Variants in EDA observed in about 807,000 individuals in gnomAD.
EDA encodes ectodysplasin-A.
EDA carries 2 observed loss-of-function variants against 23.6 expected under a neutral mutation model. The observed-to-expected ratio is 0.08, with a 90% CI of 0.03 to 0.27. The LOEUF is 0.27. EDA is among the 10% of genes least tolerant of loss of function. The pLI, the probability that EDA is intolerant of heterozygous loss-of-function variation, is 1.00. For missense variants in EDA, 229 were observed against 324.2 expected (o/e 0.71, Z 2.26); for synonymous variants, 131 against 132.0 (o/e 0.99, Z 0.05).
chrX:69,711,719 TGA>T (rs1352764159), intron 1 of EDA, among the ~76,000 whole-genome samples: 3 of 111,839 alleles, frequency 2.7e-5, no homozygotes. Flanking sequence ...GGTTTAGTCT[TGA>T]GAGAGTGTAT....
intron 1 of EDA, among the ~76,000 whole-genome samples, chrX:69,756,030 C>T (rs553216373): frequency 2.4e-4 from 27 of 112,033 alleles, no homozygotes; most frequent in Admixed American, 6.6e-4. Context: ...GGCGATGCCC[C>T]GCCCTGCTCC....
chrX:69,972,456 T>C (rs1360217306), intron 2 of EDA, among the ~76,000 whole-genome samples: 1 of 111,826 alleles, frequency 8.9e-6, no homozygotes, highest in African/African-American at 3.3e-5. Context: ...ATCATAGAAA[T>C]AACATTTGTT....
chrX:69,626,979 G>A (rs192022122), intron 1 of EDA, among the ~76,000 whole-genome samples: 4 of 111,465 alleles, frequency 3.6e-5, no homozygotes, highest in East Asian at 2.8e-4. Context: ...AAGGCTATTC[G>A]ATTTACTTCA....
intron 1 of EDA, among the ~76,000 whole-genome samples, chrX:69,829,564 A>C (rs769795889): frequency 1.5e-3 from 168 of 112,269 alleles, no homozygotes; most frequent in African/African-American, 5.3e-3. Context: ...GTTGTTTGCA[A>C]AGATGTATGT....
intron 1 of EDA, among the ~76,000 whole-genome samples, chrX:69,680,498 G>C (rs1414945560): frequency 1.9e-5 from 1 of 51,625 alleles, no homozygotes; most frequent in Non-Finnish European, 2.9e-5. Context: ...TGTGAATCTG[G>C]GTGCTCCTGT....
intron 1 of EDA, among the ~76,000 whole-genome samples, chrX:69,912,737 CA>C (rs2018284290): frequency 9.7e-6 from 1 of 103,460 alleles, no homozygotes; most frequent in African/African-American, 3.5e-5. Flanking sequence ...AGAGCTGAGG[CA>C]GGATGGATTT....
intron 1 of EDA, among the ~76,000 whole-genome samples, chrX:69,723,017 C>G (rs888919368): frequency 3.6e-5 from 4 of 112,008 alleles, no homozygotes; most frequent in African/African-American, 1.3e-4. Context: ...TGATACTTAT[C>G]TTTTTCTCCA....
At chrX:69,775,022 A>G (rs932651346) in intron 1 of EDA, among the ~76,000 whole-genome samples, 1 of 111,888 alleles carries the variant, frequency 8.9e-6, no homozygotes, top group Admixed American at 9.5e-5. Context: ...TTATGGGTCA[A>G]TTATTGATGA....
chrX:69,759,410 C>G (rs965431670), intron 1 of EDA, among the ~76,000 whole-genome samples: 1 of 111,780 alleles, frequency 8.9e-6, no homozygotes, highest in East Asian at 2.8e-4. Flanking sequence ...CTCCTGAAAG[C>G]AGAAAGTGCT....
intron 1 of EDA, among the ~76,000 whole-genome samples, chrX:69,828,560 C>T (rs908372525): frequency 2.7e-5 from 3 of 112,088 alleles, no homozygotes; most frequent in South Asian, 7.4e-4. Flanking sequence ...TGCTTCGGCT[C>T]GCGCACGGTG....
chrX:69,988,817 C>T (rs2019542481), intron 2 of EDA, among the ~76,000 whole-genome samples: 1 of 110,892 alleles, frequency 9.0e-6, no homozygotes, highest in African/African-American at 3.3e-5. Flanking sequence ...GATTGCGCCA[C>T]TGCACTCCAG....
rs1602525261 is a variant in EDA, at chrX:69,907,197, T to A, written c.397-49830T>A. 3.6e-5 allele frequency among the ~76,000 whole-genome samples: 4 copies of A among 111,547 alleles called. 1 individual carries two copies. In the Admixed American group the frequency reaches 3.8e-4, roughly 11 times the overall value. On this transcript the variant is annotated intron_variant, in intron 1 of 7. Transcript: ENST00000374552. ...TAGGTATGTCCCCCTTGTCTTGATA[T>A]ACTACATTTTTTTAAATGATAAGAG...
intron 1 of EDA, among the ~76,000 whole-genome samples, chrX:69,772,260 T>C (rs2014660026): frequency 8.9e-6 from 1 of 111,987 alleles, no homozygotes; most frequent in African/African-American, 3.2e-5. Context: ...GTACCCAGCC[T>C]ATCAAGTACA....
At chrX:69,958,551 A>G (rs1026195928) in intron 2 of EDA, among the ~76,000 whole-genome samples, 1 of 109,547 alleles carries the variant, frequency 9.1e-6, no homozygotes, top group Non-Finnish European at 1.9e-5. Context: ...GAGCAGTAAG[A>G]TAGGGTTTTC....
chrX:69,772,990 T>A (rs562787917), intron 1 of EDA, among the ~76,000 whole-genome samples: 7 of 111,768 alleles, frequency 6.3e-5, no homozygotes, highest in African/African-American at 2.3e-4. Flanking sequence ...CAGAATATTT[T>A]CATCACCCCC....
chrX:69,664,061 T>C (rs1210627760), intron 1 of EDA, among the ~76,000 whole-genome samples: 1 of 112,084 alleles, frequency 8.9e-6, no homozygotes, highest in African/African-American at 3.2e-5. Flanking sequence ...TTGTGTCAAA[T>C]GAGACTTTGA....
chrX:69,945,100 T>G (rs1169818863), intron 1 of EDA, among the ~76,000 whole-genome samples: 1 of 112,298 alleles, frequency 8.9e-6, no homozygotes, highest in Non-Finnish European at 1.9e-5. Flanking sequence ...CCCTCTTCAC[T>G]GCCTCTTTCC....
chrX:69,645,789 T>A (rs985451374), intron 1 of EDA, among the ~76,000 whole-genome samples: 3 of 108,060 alleles, frequency 2.8e-5, no homozygotes, highest in Non-Finnish European at 5.7e-5. Context: ...GTTAGGTTGC[T>A]AACTTTAGAT....
At chrX:69,768,776 T>C (rs2014543710) in intron 1 of EDA, among the ~76,000 whole-genome samples, 1 of 111,605 alleles carries the variant, frequency 9.0e-6, no homozygotes, top group Non-Finnish European at 1.9e-5. Flanking sequence ...AGTTATTTAA[T>C]GTAGGAAGAT....
Sources: allele counts gnomAD v4.1 joint callset (sites outside exome capture counted in the v4.1 genomes callset), GRCh38; gene constraint gnomAD v4.1.1; transcripts MANE v1.5; gene names NCBI Gene and HGNC (gene_info 2026-07-23, HGNC 2026-07-21).